Variants in LRP8 observed in about 807,000 individuals in gnomAD.
LRP8 encodes low-density lipoprotein receptor-related protein 8.
In LRP8, 46 loss-of-function variants were observed where a neutral mutation model predicts 111.6. The ratio of observed to expected loss-of-function variants is 0.41; its 90% CI spans 0.33 to 0.53. LRP8 has a LOEUF of 0.53. LRP8 is among the 20% of genes least tolerant of loss of function. The probability of loss-of-function intolerance (pLI) is 0.20; values close to 1 mark genes in which losing one functional copy is unlikely to be tolerated. For synonymous variants in LRP8, 464 were observed against 511.2 expected (o/e 0.91, Z 1.24); for missense variants, 959 against 1,297.4 (o/e 0.74, Z 4.01).
rs561787777 is a variant in LRP8, at chr1:53,327,419, C to T, written c.124+370G>A. The T allele has an allele frequency of 7.7e-4, 201 of 261,152 alleles. 1 individual carries two copies. Among genetic ancestry groups the T allele is most frequent in the African/African-American group, 4.1e-3 (185 of 44,766 alleles). The allele number at this position is 261,152 out of a possible 1,614,324, so 16.2% of individuals were successfully genotyped here. A position where few individuals can be genotyped will look rare whatever the true frequency, so the allele number is the denominator to read the frequency against. On this transcript the variant is annotated intron_variant, in intron 1 of 18. Coordinates refer to ENST00000306052, the MANE Select transcript of LRP8 (RefSeq NM_004631.5). ...GGGTCTGCGGAAACGCATTGTCAAG[C>T]GGAGAAGCCGCCCGGCTCTGCTCAT...
chr1:53,281,645 G>A (rs1201679973), intron 3 of LRP8, among the ~76,000 whole-genome samples: 7 of 152,224 alleles, frequency 4.6e-5, no homozygotes, highest in African/African-American at 1.7e-4. Context: ...CATGGGCTCT[G>A]GAGCCTGGCT....
chr1:53,261,791 A>G (rs1053434772), intron 12 of LRP8, among the ~76,000 whole-genome samples: 56 of 152,254 alleles, frequency 3.7e-4, no homozygotes, highest in African/African-American at 1.3e-3. Flanking sequence ...CTGGGTGCTG[A>G]GGGCACAGAG....
chr1:53,308,104 C>G (rs903420654), intron 2 of LRP8, among the ~76,000 whole-genome samples: 4 of 152,228 alleles, frequency 2.6e-5, no homozygotes, highest in African/African-American at 9.6e-5. Flanking sequence ...GCTGCTGGCT[C>G]TCCTATCAGA....
At chr1:53,319,582 A>T (rs1388694424) in intron 2 of LRP8, among the ~76,000 whole-genome samples, 1 of 152,134 alleles carries the variant, frequency 6.6e-6, no homozygotes, top group Non-Finnish European at 1.5e-5. Context: ...GCTGGGCCCC[A>T]CCAGAGACAA....
chr1:53,314,171 A>T (rs911319354), intron 2 of LRP8, among the ~76,000 whole-genome samples: 2 of 152,184 alleles, frequency 1.3e-5, no homozygotes, highest in African/African-American at 2.4e-5. Context: ...CCCCAGTGCT[A>T]TGTGCTGTGC....
At chr1:53,254,899 T>C (rs1410047812) in intron 16 of LRP8, among the ~76,000 whole-genome samples, 2 of 151,494 alleles carry the variant, frequency 1.3e-5, no homozygotes, top group African/African-American at 4.9e-5. Flanking sequence ...GGTGGGGAGA[T>C]GGGGGATGTA....
At chr1:53,274,179 C>T (rs1450948604) in intron 6 of LRP8, among the ~76,000 whole-genome samples, 4 of 152,276 alleles carry the variant, frequency 2.6e-5, no homozygotes, top group East Asian at 1.9e-4. Context: ...CCATCAGGTC[C>T]GAACTCCTCA....
In LRP8 at chr1:53,275,346, C is replaced by CT. The variant is rs2100417834; in HGVS notation, c.1006+284dup. On this transcript the variant is annotated intron_variant, in intron 6 of 18. Coordinates refer to ENST00000306052, the MANE Select transcript of LRP8 (RefSeq NM_004631.5). The surrounding 1 kb of genome is among the most constrained non-coding windows in gnomAD (Gnocchi z 4.4). ...GCCTGGGAACTAGTGAGGGAAGCCA[C>CT]TCACCAGCTGGGACCTGGACAAGTG... Among the ~76,000 whole-genome samples the CT allele has an allele frequency of 6.6e-6, 1 of 152,290 alleles. No individual in the cohort carries two copies. The highest frequency in any genetic ancestry group is 1.9e-4 in the East Asian group (1 of 5,180).
chr1:53,291,284 C>T (rs1256288082), intron 2 of LRP8, among the ~76,000 whole-genome samples: 1 of 152,072 alleles, frequency 6.6e-6, no homozygotes, highest in Non-Finnish European at 1.5e-5. Flanking sequence ...TTACCCCAGG[C>T]CTTGGGGCGC....
At chr1:53,254,561 G>T (rs1646009770) in intron 16 of LRP8, among the ~76,000 whole-genome samples, 1 of 152,018 alleles carries the variant, frequency 6.6e-6, no homozygotes, top group African/African-American at 2.4e-5. Flanking sequence ...TGTTATGTGG[G>T]TCTCTCTAAC....
chr1:53,286,738 C>T (rs1331003550), intron 3 of LRP8, among the ~76,000 whole-genome samples: 1 of 152,250 alleles, frequency 6.6e-6, no homozygotes, highest in Non-Finnish European at 1.5e-5. Context: ...GACCTTCTCT[C>T]AAATCCCTTT....
chr1:53,310,114 T>C (rs17108270), intron 2 of LRP8, among the ~76,000 whole-genome samples: 2 of 151,906 alleles, frequency 1.3e-5, no homozygotes, highest in Admixed American at 1.3e-4. Flanking sequence ...GGGCCCCAGG[T>C]TCACAGGTCT....
At chr1:53,278,712 G>C (rs1425250636) in intron 4 of LRP8, among the ~76,000 whole-genome samples, 2 of 151,474 alleles carry the variant, frequency 1.3e-5, no homozygotes, top group African/African-American at 4.8e-5. Flanking sequence ...GCATGTGCAG[G>C]GAGGGTGGAC....
intron 14 of LRP8, 71 bp from the exon 15 acceptor site, chr1:53,257,535 T>C (rs1646146848): frequency 2.5e-6 from 3 of 1,177,436 alleles, no homozygotes; most frequent in Non-Finnish European, 3.7e-6. Context: ...CTCTGAGATA[T>C]ACTTAGGAAC....
In LRP8 at chr1:53,246,896, T is replaced by TCA; in HGVS notation, c.*120_*121dup. The TCA allele has an allele frequency of 5.0e-6, 4 of 803,156 alleles. No individual in the cohort carries two copies. The highest frequency in any genetic ancestry group is 2.3e-4 in the Middle Eastern group (1 of 4,420). The allele number at this position is 803,156 out of a possible 1,614,324, so 49.8% of individuals were successfully genotyped here. On this transcript the variant is annotated 3_prime_UTR_variant, in exon 19 of 19. Coordinates refer to ENST00000306052, the MANE Select transcript of LRP8 (RefSeq NM_004631.5). ...CCGCAACATAAATTTAAAAAAAAAATCACACACACACATACACTCACACAG... is the reference window on the plus strand; with the variant it reads ...CCGCAACATAAATTTAAAAAAAAAATCACACACACACACATACACTCACACAG...
At chr1:53,315,170 G>A (rs1263166329) in intron 2 of LRP8, among the ~76,000 whole-genome samples, 1 of 152,160 alleles carries the variant, frequency 6.6e-6, no homozygotes, top group Admixed American at 6.5e-5. Context: ...TCCTAATGAG[G>A]TCCCTAGAAG....
chr1:53,284,441 C>T (rs1647269529), intron 3 of LRP8, among the ~76,000 whole-genome samples: 1 of 152,142 alleles, frequency 6.6e-6, no homozygotes, highest in South Asian at 2.1e-4. Flanking sequence ...GAGACCGAGC[C>T]TGGGTTCCTA....
chr1:53,260,639 G>A (rs764137038), intron 12 of LRP8, 34 bp from the exon 13 acceptor site: 21 of 1,607,750 alleles, frequency 1.3e-5, no homozygotes, highest in Non-Finnish European at 1.7e-5. Flanking sequence ...TGGGAGGCCT[G>A]GAGTGTAAAT....
At position 53,243,876 on chromosome 1, in the gene LRP8, A is replaced by G. The variant is rs1015171016; in HGVS notation, c.*3142T>C. Reference sequence around the variant, plus strand: ...ATCAATGCCTTTTTTGTTTCCACATATATCATCCTCCACTGCTACTGTGAA... The same window carrying G: ...ATCAATGCCTTTTTTGTTTCCACATGTATCATCCTCCACTGCTACTGTGAA... On this transcript the variant is annotated 3_prime_UTR_variant, in exon 19 of 19. Coordinates refer to ENST00000306052, the MANE Select transcript of LRP8 (RefSeq NM_004631.5). 3 of 152,166 alleles carry G rather than the reference A, an allele frequency of 2.0e-5. No homozygotes were observed. The highest frequency in any genetic ancestry group is 4.4e-5 in the Non-Finnish European group (3 of 68,040). The allele number at this position is 152,166 out of a possible 1,614,324, so 9.4% of individuals were successfully genotyped here. A position where few individuals can be genotyped will look rare whatever the true frequency, so the allele number is the denominator to read the frequency against.
Sources: allele counts gnomAD v4.1 joint callset (sites outside exome capture counted in the v4.1 genomes callset), GRCh38; gene constraint gnomAD v4.1.1; non-coding constraint Gnocchi (gnomAD v3.1); transcripts MANE v1.5; gene names NCBI Gene and HGNC (gene_info 2026-07-23, HGNC 2026-07-21).